The following PFN1 variants were observed in gnomAD, a reference collection of about 807,000 sequenced individuals.
PFN1 encodes profilin-1.
In PFN1, 2 loss-of-function variants were observed where a neutral mutation model predicts 11.7. The observed-to-expected ratio is 0.17, with a 90% CI of 0.07 to 0.54. The LOEUF is 0.54. Among genes scored for constraint, PFN1 ranks in the 20% least tolerant of loss-of-function variants. The pLI is 0.94. For synonymous variants in PFN1, 78 were observed against 76.2 expected (o/e 1.02, Z -0.12); for missense variants, 97 against 188.4 (o/e 0.51, Z 2.84).
At chr17:4,948,144 G>A (rs904935695) in intron 1 of PFN1, 119 bp downstream of exon 1, 10 of 1,226,272 alleles carry the variant, frequency 8.2e-6, no homozygotes, top group East Asian at 2.9e-5. Context: ...CCGCTTCCAG[G>A]GCAAGCACCC....
chr17:4,946,026 T>C (rs985915904), intron 2 of PFN1, 29 bp from the exon 3 acceptor site: 1 of 1,535,366 alleles, frequency 6.5e-7, no homozygotes, highest in East Asian at 2.3e-5. Context: ...GAAAGGAGGC[T>C]AGGATCCAGG....
intron 1 of PFN1, among the ~76,000 whole-genome samples, chr17:4,947,800 G>C (rs1326488675): frequency 5.3e-5 from 8 of 152,188 alleles, no homozygotes; most frequent in Admixed American, 5.2e-4. Context: ...GTGGGCAAGG[G>C]ACCAAGACCA....
intron 1 of PFN1, chr17:4,947,528 C>T (rs983171051): frequency 1.3e-5 from 2 of 151,896 alleles, no homozygotes; most frequent in Admixed American, 6.5e-5. Context: ...CTTCCGCTCC[C>T]CCTCCCCACT....
At chr17:4,948,040 GA>G (rs1257551006) in intron 1 of PFN1, 1 of 470,352 alleles carries the variant, frequency 2.1e-6, no homozygotes, top group Non-Finnish European at 3.7e-6. Context: ...CCCCGTCGCG[GA>G]AAGCGGGGTA....
At chr17:4,946,259 T>G in intron 2 of PFN1, among the ~76,000 whole-genome samples, 1 of 152,104 alleles carries the variant, frequency 6.6e-6, no homozygotes, top group East Asian at 1.9e-4. Flanking sequence ...GATTCATGTG[T>G]TCAGGCTAGA....
At position 4,946,047 on chromosome 17, in the gene PFN1, C is replaced by G. The variant is rs1337662585; in HGVS notation, c.326-50G>C. 7 of 1,342,768 alleles carry G rather than the reference C, an allele frequency of 5.2e-6. No individual in the cohort carries two copies. The Admixed American group carries it at 1.2e-4, about 23-fold the overall frequency. 83.2% of individuals were successfully genotyped at this position (1,342,768 alleles called of 1,614,324 possible). A position where few individuals can be genotyped will look rare whatever the true frequency, so the allele number is the denominator to read the frequency against. On this transcript the variant is annotated intron_variant, in intron 2 of 2. Transcript: ENST00000225655. Reference sequence around the variant, plus strand: ...AGGCTAGGATCCAGGTGTCACAATTCCACCCCCTGCCAGCTGTTCAGCAGC... The same window carrying G: ...AGGCTAGGATCCAGGTGTCACAATTGCACCCCCTGCCAGCTGTTCAGCAGC...
chr17:4,946,958 C>T (rs2151134964), intron 1 of PFN1, 138 bp from the exon 2 acceptor site: 1 of 585,470 alleles, frequency 1.7e-6, no homozygotes, highest in Non-Finnish European at 2.9e-6. Context: ...ACTCAGTACA[C>T]ATCAATGAAC....
chr17:4,946,345 CCAA>C (rs1230027980), intron 2 of PFN1, among the ~76,000 whole-genome samples: 1 of 152,124 alleles, frequency 6.6e-6, no homozygotes, highest in Admixed American at 6.5e-5. Context: ...ATTCAAGACC[CCAA>C]CAATCTACCT....
intron 2 of PFN1, among the ~76,000 whole-genome samples, 157 bp downstream of exon 2, chr17:4,946,471 A>G (rs1199202582): frequency 6.6e-6 from 1 of 152,222 alleles, no homozygotes; most frequent in African/African-American, 2.4e-5. Flanking sequence ...GAATGGAGGG[A>G]CTATCCCGTG....
chr17:4,948,507 C>T lies in PFN1; in HGVS notation c.-113G>A, dbSNP rs1485676851. ...GAGAGCTCGGGGCACGCGCTGCCGTCCGGACCGCGGCTCCGCTCGCTGTGC... is the reference window on the plus strand; with the variant it reads ...GAGAGCTCGGGGCACGCGCTGCCGTTCGGACCGCGGCTCCGCTCGCTGTGC... On this transcript the variant is annotated 5_prime_UTR_variant, in exon 1 of 3. Transcript: ENST00000225655. 2.4e-6 allele frequency: 3 copies of T among 1,236,764 alleles called. No individual in the cohort carries two copies. Among genetic ancestry groups the T allele is most frequent in the East Asian group, 6.1e-5 (2 of 32,832 alleles). The allele number at this position is 1,236,764 out of a possible 1,614,324, so 76.6% of individuals were successfully genotyped here. A position where few individuals can be genotyped will look rare whatever the true frequency, so the allele number is the denominator to read the frequency against.
chr17:4,946,479 G>A lies in PFN1; in HGVS notation c.325+149C>T, dbSNP rs238242. The A allele has an allele frequency of 0.58, 359,383 of 617,788 alleles. 106,918 individuals carry two copies. The highest frequency in any genetic ancestry group is 0.63 in the Non-Finnish European group (225,392 of 359,362). The allele number at this position is 617,788 out of a possible 1,614,324, so 38.3% of individuals were successfully genotyped here. A position where few individuals can be genotyped will look rare whatever the true frequency, so the allele number is the denominator to read the frequency against. ...TGAGACAGAATGGAGGGACTATCCC[G>A]TGTTCCAGCATCCAGCAGACAAGGA... is the stretch of plus-strand genomic sequence containing the variant. On this transcript the variant is annotated intron_variant, in intron 2 of 2. Coordinates refer to ENST00000225655, the MANE Select transcript of PFN1 (RefSeq NM_005022.4).
chr17:4,948,188 GCCCGCC>G, intron 1 of PFN1, 69 bp downstream of exon 1: 2 of 1,482,400 alleles, frequency 1.3e-6, no homozygotes, highest in Non-Finnish European at 1.8e-6. Flanking sequence ...CCTAGACCGC[GCCCGCC>G]CCCACCCAAG....
rs1485763726 is a variant in PFN1, at chr17:4,946,524, CCCTT to C, written c.325+100_325+103del. ...CAAGGAACACAATACTGGTCTGACT[CCCTT>C]CATGTTGGGGAATCACACAAAAAAG... is the stretch of plus-strand genomic sequence containing the variant. On this transcript the variant is annotated intron_variant, in intron 2 of 2. Coordinates refer to ENST00000225655, the MANE Select transcript of PFN1 (RefSeq NM_005022.4). 1.2e-5 allele frequency: 10 copies of C among 838,634 alleles called. No homozygotes were observed. In the East Asian group the frequency reaches 2.0e-4, roughly 17 times the overall value. 51.9% of individuals were successfully genotyped at this position (838,634 alleles called of 1,614,324 possible). A position where few individuals can be genotyped will look rare whatever the true frequency, so the allele number is the denominator to read the frequency against.
intron 2 of PFN1, 112 bp downstream of exon 2, chr17:4,946,516 G>A: frequency 2.5e-6 from 2 of 787,212 alleles, no homozygotes; most frequent in Non-Finnish European, 4.1e-6. Context: ...CACAATACTG[G>A]TCTGACTCCC....
chr17:4,946,977 A>G, intron 1 of PFN1, 157 bp from the exon 2 acceptor site: 1 of 519,174 alleles, frequency 1.9e-6, no homozygotes, highest in Non-Finnish European at 3.3e-6. Context: ...ACTGTGAGAA[A>G]CTCTGAGGAC....
In PFN1 at chr17:4,945,916, C is replaced by T; in HGVS notation, c.407G>A (p.Arg136Gln). The change falls in exon 3 of 3, where the codon CGG (arginine) becomes CAG (glutamine). Residue 136 changes from arginine to glutamine, a missense_variant. Physicochemically the swap from Arg to Gln is conservative, Grantham distance 43 (BLOSUM62 1). Coordinates refer to ENST00000225655, the MANE Select transcript of PFN1 (RefSeq NM_005022.4). Reference sequence around the variant, plus strand: ...CAGACGAGGTCAGTACTGGGAACGCCGAAGGTGGGAGGCCATTTCATAACA... The same window carrying T: ...CAGACGAGGTCAGTACTGGGAACGCTGAAGGTGGGAGGCCATTTCATAACA... ...KKCYEMASHLRRSQY is the reference protein window; with the variant it reads ...KKCYEMASHLQRSQY 6.2e-7 allele frequency: 1 copy of T among 1,607,556 alleles called. No homozygotes were observed. Among genetic ancestry groups the T allele is most frequent in the Non-Finnish European group, 8.5e-7 (1 of 1,174,032 alleles).
Position 4,948,495 on chromosome 17 carries a change from A to G in PFN1, c.-101T>C, listed in dbSNP as rs769624538. ...CGGGGGGAGGCGGAGAGCTCGGGGC[A>G]CGCGCTGCCGTCCGGACCGCGGCTC... On this transcript the variant is annotated 5_prime_UTR_variant, in exon 1 of 3. Transcript: ENST00000225655. The G allele has an allele frequency of 9.8e-6, 13 of 1,325,822 alleles. No homozygotes were observed. Among genetic ancestry groups the G allele is most frequent in the Non-Finnish European group, 1.2e-5 (12 of 1,016,304 alleles). 82.1% of individuals were successfully genotyped at this position (1,325,822 alleles called of 1,614,324 possible).
Position 4,945,788 on chromosome 17 carries a change from A to C in PFN1, c.*112T>G. The C allele has an allele frequency of 1.4e-6, 1 of 692,910 alleles. No individual in the cohort carries two copies. The allele number at this position is 692,910 out of a possible 1,614,324, so 42.9% of individuals were successfully genotyped here. ...GGCCCCCAGCCCATGTGGTTTTGGC[A>C]GCAATAAGGGGTATGGGGTAATGGC... On this transcript the variant is annotated 3_prime_UTR_variant, in exon 3 of 3. Coordinates refer to ENST00000225655, the MANE Select transcript of PFN1 (RefSeq NM_005022.4).
intron 1 of PFN1, chr17:4,947,218 G>A (rs1229904713): frequency 6.6e-6 from 1 of 152,274 alleles, no homozygotes. Context: ...GGCGAGGCAA[G>A]AGAAGCAACT....
Sources: allele counts gnomAD v4.1 joint callset (sites outside exome capture counted in the v4.1 genomes callset), GRCh38; gene constraint gnomAD v4.1.1; transcripts MANE v1.5; gene names NCBI Gene and HGNC (gene_info 2026-07-23, HGNC 2026-07-21).